Variants in GUSB observed in about 807,000 individuals in gnomAD.
The protein encoded by GUSB is beta-glucuronidase.
Under a neutral mutation model 74.6 loss-of-function variants are expected in GUSB, and 51 were observed. That is an observed-to-expected ratio of 0.68 (90% confidence interval 0.55 to 0.86). GUSB has a LOEUF of 0.86. Ranked by LOEUF, GUSB falls within the 40% of genes least tolerant of loss-of-function variation. The probability of loss-of-function intolerance (pLI) is 0.00; values close to 1 mark genes in which losing one functional copy is unlikely to be tolerated. For missense variants in GUSB, 736 were observed against 853.7 expected (o/e 0.86, Z 1.72); for synonymous variants, 360 against 348.3 (o/e 1.03, Z -0.37).
At chr7:65,974,503 G>A in intron 7 of GUSB, 23 bp downstream of exon 7, 1 of 1,614,066 alleles carries the variant, frequency 6.2e-7, no homozygotes, top group Middle Eastern at 1.7e-4. Context: ...GGCAGGCGGA[G>A]CAGGTGCACA....
Position 65,979,518 on chromosome 7 carries a change from T to C in GUSB, c.605A>G (p.Gln202Arg). The C allele has an allele frequency of 6.2e-7, 1 of 1,614,198 alleles. No homozygotes were observed. Among genetic ancestry groups the C allele is most frequent in the Non-Finnish European group, 8.5e-7 (1 of 1,180,018 alleles). ...TSKYPKGYFV[Q>R]NTYFDFFNYA... The stretch of plus-strand genomic sequence containing the variant: ...GTTGAAAAAGTCAAAATATGTGTTC[T>C]GGACAAAGTAACCCTTGGGATACCT... Residue 202 changes from glutamine (Q) to arginine (R), a missense_variant, in exon 4 of 12, where the codon CAG becomes CGG. Physicochemically the swap from Gln to Arg is conservative, Grantham distance 43. Coordinates refer to ENST00000304895, the MANE Select transcript of GUSB (RefSeq NM_000181.4).
Position 65,980,312 on chromosome 7 carries a change from C to T in GUSB, c.308G>A (p.Arg103Gln), listed in dbSNP as rs1478339105. ...RHFVGWVWYE[R>Q]EVILPERWTQ... ...CCATCGCTCCGGCAGGATCACCTCC[C>T]GTTCGTACCACACCCAGCCGACAAA... The change falls in exon 2 of 12, where the codon CGG (arginine) becomes CAG (glutamine). Residue 103 changes from arginine (R) to glutamine (Q), a missense_variant. By Grantham distance (43) the Arg-to-Gln change is conservative. Transcript: ENST00000304895. 27 of 1,613,652 alleles carry T rather than the reference C, an allele frequency of 1.7e-5. No homozygotes were observed. Among genetic ancestry groups the T allele is most frequent in the South Asian group, 2.2e-5 (2 of 91,014 alleles).
At chr7:65,963,178 A>C (rs886616536) in intron 11 of GUSB, among the ~76,000 whole-genome samples, 2 of 152,032 alleles carry the variant, frequency 1.3e-5, no homozygotes, top group Non-Finnish European at 2.9e-5. Flanking sequence ...TTCTTACCGC[A>C]TAAAGCCTCG....
rs142706520 is a variant in GUSB at position 65,975,021 on chromosome 7, T to A, written c.963A>T (p.Thr321=). The stretch of plus-strand genomic sequence containing the variant: ...CCACAGTGCGGATCCCCACAGGGAG[T>A]GTGTAGAAGTCAGACACAGGCCCCA... ...TSLGPVSDFY[T]LPVGIRTVAV... Residue 321 remains threonine, a synonymous_variant, in exon 6 of 12, where the codon ACA becomes ACT. Transcript: ENST00000304895. The A allele has an allele frequency of 5.6e-6, 9 of 1,612,874 alleles. No individual in the cohort carries two copies. Among genetic ancestry groups the A allele is most frequent in the Non-Finnish European group, 6.8e-6 (8 of 1,179,374 alleles).
In GUSB at chr7:65,981,744, G is replaced by C; in HGVS notation, c.210+230C>G. ...CTGCACAGACTCAGCCTTTACCTCG[G>C]GAAAGGGCTCGGCAAGAGCCTTTTC... On this transcript the variant is annotated intron_variant, in intron 1 of 11. Transcript: ENST00000304895. 3 of 514,730 alleles carry C rather than the reference G, an allele frequency of 5.8e-6. No homozygotes were observed. The South Asian group carries it at 8.9e-5, about 15-fold the overall frequency. The allele number at this position is 514,730 out of a possible 1,614,324, so 31.9% of individuals were successfully genotyped here.
At chr7:65,973,610 A>G (rs1379891182) in intron 8 of GUSB, among the ~76,000 whole-genome samples, 2 of 151,972 alleles carry the variant, frequency 1.3e-5, no homozygotes, top group Non-Finnish European at 2.9e-5. Flanking sequence ...AGGAAAACTT[A>G]GCTGGGCGTG....
At chr7:65,980,942 C>G in intron 1 of GUSB, 1 of 203,072 alleles carries the variant, frequency 4.9e-6, no homozygotes, top group Non-Finnish European at 1.0e-5. Context: ...ACAGGGGTGG[C>G]GTCCTGGGCC....
chr7:65,978,632 C>T (rs367763422), intron 4 of GUSB, among the ~76,000 whole-genome samples: 1 of 150,648 alleles, frequency 6.6e-6, no homozygotes, highest in Non-Finnish European at 1.5e-5. Flanking sequence ...ATTAGCCGGG[C>T]GTGGTGGCGG....
chr7:65,964,619 A>G (rs534298274), intron 10 of GUSB, among the ~76,000 whole-genome samples, 161 bp from the exon 11 acceptor site: 91 of 152,262 alleles, frequency 6.0e-4, no homozygotes, highest in African/African-American at 2.1e-3. Context: ...CAGCCAGGGA[A>G]TGATGTAACC....
At chr7:65,978,674 A>T (rs1791761263) in intron 4 of GUSB, among the ~76,000 whole-genome samples, 1 of 150,720 alleles carries the variant, frequency 6.6e-6, no homozygotes, top group Non-Finnish European at 1.5e-5. Context: ...CGGGAGGCTG[A>T]GGCAGGAGAA....
chr7:65,960,816 G>A lies in GUSB; in HGVS notation c.*81C>T. 1.7e-6 allele frequency: 2 copies of A among 1,184,736 alleles called. No homozygotes were observed. Among genetic ancestry groups the A allele is most frequent in the Non-Finnish European group, 2.5e-6 (2 of 789,014 alleles). The allele number at this position is 1,184,736 out of a possible 1,614,324, so 73.4% of individuals were successfully genotyped here. Reference sequence around the variant, plus strand: ...GAAACGTTCTGGTCTGCCGTGAACAGTCCAGGAGGCACTTGTTCTGCTGCT... The same window carrying A: ...GAAACGTTCTGGTCTGCCGTGAACAATCCAGGAGGCACTTGTTCTGCTGCT... On this transcript the variant is annotated 3_prime_UTR_variant, in exon 12 of 12. Coordinates refer to ENST00000304895, the MANE Select transcript of GUSB (RefSeq NM_000181.4).
chr7:65,965,556 G>T (rs1790780169), intron 10 of GUSB, among the ~76,000 whole-genome samples: 1 of 151,950 alleles, frequency 6.6e-6, no homozygotes, highest in Non-Finnish European at 1.5e-5. Flanking sequence ...TTGAAACAAG[G>T]TCTCACTCTG....
rs1332872906 is a variant in GUSB, at chr7:65,960,945, G to T, written c.1908C>A (p.Pro636=). 1.2e-6 allele frequency: 2 copies of T among 1,613,834 alleles called. No individual in the cohort carries two copies. Among genetic ancestry groups the T allele is most frequent in the Non-Finnish European group, 1.7e-6 (2 of 1,179,946 alleles). The stretch of plus-strand genomic sequence containing the variant: ...AACATTGTGACTTGGCTACTGAGTG[G>T]GGATACCTGGTTTCATTGGCAATCT... ...YWKIANETRY[P]HSVAKSQCLE... The change falls in exon 12 of 12, where the codon CCC becomes CCA. Residue 636 remains proline (P), a synonymous_variant. Coordinates refer to ENST00000304895, the MANE Select transcript of GUSB (RefSeq NM_000181.4).
At chr7:65,964,258 A>T in intron 11 of GUSB, 65 bp downstream of exon 11, 1 of 1,401,656 alleles carries the variant, frequency 7.1e-7, no homozygotes, top group South Asian at 1.2e-5. Flanking sequence ...AATGGCCAGA[A>T]TTGGAAAGGC....
chr7:65,965,962 G>GCT (rs1790806429), intron 10 of GUSB, among the ~76,000 whole-genome samples: 1 of 152,188 alleles, frequency 6.6e-6, no homozygotes, highest in African/African-American at 2.4e-5. Context: ...CTTGAGGTCA[G>GCT]GAGTTCAAGA....
At chr7:65,967,260 G>C (rs1055737702) in intron 10 of GUSB, among the ~76,000 whole-genome samples, 29 of 152,136 alleles carry the variant, frequency 1.9e-4, no homozygotes, top group African/African-American at 6.8e-4. Context: ...TTCAAGACCA[G>C]TCTGGGCAAC....
At chr7:65,973,942 AACAGCCCCAGC>A (rs1051072463) in intron 8 of GUSB, among the ~76,000 whole-genome samples, 4 of 150,440 alleles carry the variant, frequency 2.7e-5, no homozygotes, top group Non-Finnish European at 4.4e-5. Flanking sequence ...GAAAAAAAAA[AACAGCCCCAGC>A]ACAGTGGTTC....
Position 65,974,901 on chromosome 7 carries a change from C to G in GUSB, c.1065+18G>C. On this transcript the variant is annotated intron_variant, in intron 6 of 11. Coordinates refer to ENST00000304895, the MANE Select transcript of GUSB (RefSeq NM_000181.4). ...GACCAGAAGCAGCCCCGACAAGGAC[C>G]CAGGAGCCCCAACACACGTCCGCAT... 1 of 1,612,838 alleles carries G rather than the reference C, an allele frequency of 6.2e-7. No homozygotes were observed. Among genetic ancestry groups the G allele is most frequent in the Non-Finnish European group, 8.5e-7 (1 of 1,179,450 alleles).
intron 4 of GUSB, among the ~76,000 whole-genome samples, chr7:65,977,394 G>A (rs1791654060): frequency 6.6e-6 from 1 of 152,050 alleles, no homozygotes; most frequent in African/African-American, 2.4e-5. Flanking sequence ...CACCCATCTC[G>A]GCCTCCAAAA....
Sources: gnomAD v4.1 joint callset for allele counts (sites outside exome capture counted in the v4.1 genomes callset) on GRCh38, gnomAD v4.1.1 for gene constraint, MANE v1.5 for transcripts, NCBI Gene and HGNC (gene_info 2026-07-23, HGNC 2026-07-21) for gene names.